ILDR1: variants seen among roughly 807,000 people sequenced by gnomAD.
The protein encoded by ILDR1 is immunoglobulin-like domain-containing receptor 1.
Under a neutral mutation model 62.4 loss-of-function variants are expected in ILDR1, and 56 were observed. That is an observed-to-expected ratio of 0.90 (90% CI 0.72 to 1.12). The LOEUF is 1.12. ILDR1 is among the 50% of genes most tolerant of loss of function. ILDR1 has a pLI of 0.00. For missense variants in ILDR1, 736 were observed against 710.6 expected (o/e 1.04, Z -0.41); for synonymous variants, 284 against 277.8 (o/e 1.02, Z -0.22).
intron 5 of ILDR1, among the ~76,000 whole-genome samples, chr3:121,999,627 A>C (rs2071487666): frequency 6.6e-6 from 1 of 152,218 alleles, no homozygotes; most frequent in African/African-American, 2.4e-5. Context: ...TACCAGCAGC[A>C]GCACATCACC....
chr3:122,018,396 G>A (rs985984812), intron 1 of ILDR1, among the ~76,000 whole-genome samples: 5 of 124,892 alleles, frequency 4.0e-5, no homozygotes, highest in Non-Finnish European at 5.5e-5. Flanking sequence ...TGTTGGGGTG[G>A]GGGGGGGGTA....
chr3:122,015,688 G>A (rs2071767085), intron 1 of ILDR1, among the ~76,000 whole-genome samples: 1 of 152,150 alleles, frequency 6.6e-6, no homozygotes, highest in African/African-American at 2.4e-5. Context: ...AACTGTAAGT[G>A]AATTAAACCT....
Position 122,021,920 on chromosome 3 carries a change from G to A in ILDR1, c.58+100C>T, listed in dbSNP as rs1209321777. 477 of 1,177,914 alleles carry A rather than the reference G, an allele frequency of 4.0e-4. 2 individuals are homozygous for A. Among genetic ancestry groups the A allele is most frequent in the Non-Finnish European group, 6.8e-5 (55 of 808,936 alleles). 73.0% of individuals were successfully genotyped at this position (1,177,914 alleles called of 1,614,324 possible). On this transcript the variant is annotated intron_variant, in intron 1 of 7. Coordinates refer to ENST00000344209, the MANE Select transcript of ILDR1 (RefSeq NM_001199799.2). ...CCAAGCGCCACCAGAGCGCGGCCCA[G>A]GCCTCCACTGCCCTGCCCGCGGCCA...
chr3:122,038,709 C>T, the ILDR1 span, among the ~76,000 whole-genome samples: 2 of 152,064 alleles, frequency 1.3e-5, no homozygotes, highest in African/African-American at 4.8e-5. Flanking sequence ...TTTAAAATAG[C>T]TATAATTAAT....
chr3:122,001,534 C>G, intron 4 of ILDR1, 80 bp from the exon 5 acceptor site: 1 of 1,540,998 alleles, frequency 6.5e-7, no homozygotes. Context: ...TCCTAGAGGT[C>G]TCATAAACAC....
the ILDR1 span, among the ~76,000 whole-genome samples, chr3:122,059,048 G>C: frequency 1.3e-5 from 2 of 152,162 alleles, no homozygotes; most frequent in Admixed American, 6.5e-5. Flanking sequence ...GCCAGGCAGA[G>C]AGAAAAGACA....
the ILDR1 span, among the ~76,000 whole-genome samples, chr3:122,030,389 A>G: frequency 8.7e-4 from 132 of 151,980 alleles, 2 homozygotes; most frequent in Middle Eastern, 3.4e-3. Flanking sequence ...CAGACACAAT[A>G]CCACTCAGCC....
chr3:121,992,456 C>T (rs945805875), intron 7 of ILDR1, among the ~76,000 whole-genome samples: 1 of 152,172 alleles, frequency 6.6e-6, no homozygotes, highest in Non-Finnish European at 1.5e-5. Flanking sequence ...TTTTTAAAGT[C>T]ACTTCTTTAA....
chr3:121,994,103 TCA>T, intron 6 of ILDR1, 77 bp downstream of exon 6: 1 of 1,518,736 alleles, frequency 6.6e-7, no homozygotes, highest in Non-Finnish European at 8.8e-7. Flanking sequence ...GCCGCATCGG[TCA>T]CAGAGGTCTT....
At chr3:122,059,823 A>C in the ILDR1 span, among the ~76,000 whole-genome samples, 1 of 152,182 alleles carries the variant, frequency 6.6e-6, no homozygotes, top group South Asian at 2.1e-4. Context: ...TCCTAATCCA[A>C]GACAATTGTT....
Position 121,993,651 on chromosome 3 carries a change from C to A in ILDR1, c.1098G>T (p.Glu366Asp). Residue 366 changes from glutamate to aspartate, a missense_variant, in exon 7 of 8, where the codon GAG (glutamate) becomes GAT (aspartate). Transcript: ENST00000344209. ...CAGGGTAATGGTGGTGGCTTCTCCC[C>A]TCCCTCAGATCCCAGGGCCTGGAGG... Reference protein sequence around the residue: ...PIPSRPWDLREGRSHHHYPDF... With the variant: ...PIPSRPWDLRDGRSHHHYPDF... 2 of 1,614,216 alleles carry A rather than the reference C, an allele frequency of 1.2e-6. No homozygotes were observed. The highest frequency in any genetic ancestry group is 1.1e-5 in the South Asian group (1 of 91,088).
intron 7 of ILDR1, among the ~76,000 whole-genome samples, chr3:121,990,544 G>T (rs1189895764): frequency 6.6e-6 from 1 of 152,176 alleles, no homozygotes; most frequent in Admixed American, 6.5e-5. Flanking sequence ...AAATTAGGAA[G>T]AAATAAAGTC....
At chr3:121,996,420 A>G (rs1219728846) in intron 5 of ILDR1, among the ~76,000 whole-genome samples, 1 of 152,180 alleles carries the variant, frequency 6.6e-6, no homozygotes, top group African/African-American at 2.4e-5. Flanking sequence ...TCCTTCTTGC[A>G]CTAAAACTAA....
intron 1 of ILDR1, among the ~76,000 whole-genome samples, chr3:122,011,534 T>C (rs532357062): frequency 6.6e-6 from 1 of 152,184 alleles, no homozygotes; most frequent in South Asian, 2.1e-4. Context: ...CCTTGATATC[T>C]GCCAGGTTCA....
chr3:122,041,764 G>A, the ILDR1 span, among the ~76,000 whole-genome samples: 2 of 151,442 alleles, frequency 1.3e-5, no homozygotes, highest in Non-Finnish European at 2.9e-5. Flanking sequence ...TTCGTATCTT[G>A]CAACTTTACT....
At chr3:122,047,922 C>A in the ILDR1 span, among the ~76,000 whole-genome samples, 1 of 152,232 alleles carries the variant, frequency 6.6e-6, no homozygotes, top group Non-Finnish European at 1.5e-5. Flanking sequence ...TCCTATTCGG[C>A]CATCTTGGCT....
chr3:122,015,153 G>A (rs112433403), intron 1 of ILDR1, among the ~76,000 whole-genome samples: 6,983 of 152,238 alleles, frequency 0.046, 221 homozygotes, highest in South Asian at 0.094. Flanking sequence ...CAGAAACTAC[G>A]AGAGCATTGA....
intron 1 of ILDR1, 141 bp from the exon 2 acceptor site, chr3:122,007,302 C>T (rs750829373): frequency 8.4e-6 from 13 of 1,544,766 alleles, no homozygotes; most frequent in South Asian, 6.0e-5. Context: ...TGGGTTCTTA[C>T]TCACCTGGGC....
intron 1 of ILDR1, among the ~76,000 whole-genome samples, chr3:122,011,903 C>T (rs945333554): frequency 1.3e-5 from 2 of 152,114 alleles, no homozygotes; most frequent in African/African-American, 2.4e-5. Flanking sequence ...CACACCCCCA[C>T]GTGTCCAACA....
Sources: allele counts gnomAD v4.1 joint callset (sites outside exome capture counted in the v4.1 genomes callset), GRCh38; gene constraint gnomAD v4.1.1; transcripts MANE v1.5; gene names NCBI Gene and HGNC (gene_info 2026-07-23, HGNC 2026-07-21).